Variants in CD96 observed in about 807,000 individuals in gnomAD.
The protein encoded by CD96 is T-cell surface protein tactile.
In CD96, 70 loss-of-function variants were observed where a neutral mutation model predicts 71.3. The ratio of observed to expected loss-of-function variants is 0.98; its 90% confidence interval spans 0.81 to 1.20. CD96 has a LOEUF of 1.20. CD96 is among the 50% of genes most tolerant of loss of function. The probability of loss-of-function intolerance (pLI) is 0.00; values close to 1 mark genes in which losing one functional copy is unlikely to be tolerated. For missense variants in CD96, 742 were observed against 677.5 expected (o/e 1.10, Z -1.06); for synonymous variants, 248 against 233.0 (o/e 1.06, Z -0.59).
At chr3:111,583,652 C>A (rs1228431173) in intron 4 of CD96, among the ~76,000 whole-genome samples, 1 of 152,260 alleles carries the variant, frequency 6.6e-6, no homozygotes, top group Admixed American at 6.5e-5. Context: ...AGGCTCAACA[C>A]CATGTGGAAG....
chr3:111,579,290 T>C (rs1936362006), intron 4 of CD96, 56 bp downstream of exon 4: 1 of 964,314 alleles, frequency 1.0e-6, no homozygotes, highest in African/African-American at 1.6e-5. Context: ...TGCCCTGCTC[T>C]TCCTTGAAGA....
chr3:111,649,827 T>C lies in CD96; in HGVS notation c.*21T>C, dbSNP rs985341307. On this transcript the variant is annotated 3_prime_UTR_variant, in exon 14 of 14. Coordinates refer to ENST00000352690, the MANE Select transcript of CD96 (RefSeq NM_005816.5). ...TCTAGTCTCGTGAGACTTTGCCCCA[T>C]GGCAGAACTCTGCTGGAATCCTATT... 1.4e-6 allele frequency: 2 copies of C among 1,409,142 alleles called. No homozygotes were observed. The highest frequency in any genetic ancestry group is 2.3e-5 in the South Asian group (2 of 86,920). 87.3% of individuals were successfully genotyped at this position (1,409,142 alleles called of 1,614,324 possible).
intron 5 of CD96, among the ~76,000 whole-genome samples, chr3:111,591,547 T>C (rs1027319276): frequency 7.2e-5 from 11 of 152,142 alleles, no homozygotes; most frequent in Admixed American, 5.2e-4. Flanking sequence ...TCCAAAAATA[T>C]GTGTTTTGGT....
chr3:111,549,869 G>C (rs915299151), intron 2 of CD96, among the ~76,000 whole-genome samples: 2 of 152,144 alleles, frequency 1.3e-5, no homozygotes, highest in African/African-American at 4.8e-5. Context: ...TACAGAAGAC[G>C]TTAGGTAAAC....
chr3:111,662,745 C>T (rs1940388076), intron 14 of CD96, among the ~76,000 whole-genome samples: 1 of 152,176 alleles, frequency 6.6e-6, no homozygotes, highest in African/African-American at 2.4e-5. Flanking sequence ...CAACCACAGC[C>T]CGGGCTTCAC....
intron 8 of CD96, among the ~76,000 whole-genome samples, chr3:111,607,607 A>T (rs1025918640): frequency 2.0e-5 from 3 of 152,236 alleles, no homozygotes; most frequent in African/African-American, 7.2e-5. Context: ...AAAACTATCA[A>T]TTTTAGCTCA....
At chr3:111,661,977 C>G (rs991450835) in intron 14 of CD96, among the ~76,000 whole-genome samples, 2 of 152,252 alleles carry the variant, frequency 1.3e-5, no homozygotes, top group East Asian at 3.8e-4. Flanking sequence ...TTCCTGAGGG[C>G]TCTGCCCCTG....
intron 5 of CD96, chr3:111,595,202 T>C (rs903901212): frequency 7.2e-5 from 11 of 153,634 alleles, no homozygotes; most frequent in African/African-American, 2.7e-4. Flanking sequence ...CTCTCTCCTT[T>C]CTTGGGTCAT....
chr3:111,614,380 G>T (rs139114382), intron 8 of CD96, among the ~76,000 whole-genome samples: 2 of 152,136 alleles, frequency 1.3e-5, no homozygotes, highest in Non-Finnish European at 2.9e-5. Context: ...TCCTTAATAG[G>T]CTGGATGTAA....
intron 5 of CD96, 40 bp from the exon 6 acceptor site, chr3:111,598,080 T>A: frequency 1.1e-6 from 1 of 887,510 alleles, no homozygotes; most frequent in Non-Finnish European, 1.9e-6. Flanking sequence ...ACCAGTTTCT[T>A]AGGAATTTGC....
chr3:111,590,037 A>C (rs1936906319), intron 5 of CD96, among the ~76,000 whole-genome samples: 1 of 152,192 alleles, frequency 6.6e-6, no homozygotes, highest in African/African-American at 2.4e-5. Flanking sequence ...TTCCCTACCC[A>C]CTATTTATCA....
chr3:111,591,196 A>G (rs976067930), intron 5 of CD96, among the ~76,000 whole-genome samples: 1 of 152,028 alleles, frequency 6.6e-6, no homozygotes, highest in African/African-American at 2.4e-5. Flanking sequence ...AACGTGGTGA[A>G]ACCTTGTCTG....
intron 12 of CD96, among the ~76,000 whole-genome samples, chr3:111,642,478 A>G (rs1188213090): frequency 6.6e-6 from 1 of 152,194 alleles, no homozygotes; most frequent in Non-Finnish European, 1.5e-5. Context: ...ACCAATAAGA[A>G]GCAGCGAGAT....
At chr3:111,657,443 T>A (rs1940258900) in intron 14 of CD96, among the ~76,000 whole-genome samples, 1 of 150,798 alleles carries the variant, frequency 6.6e-6, no homozygotes, top group African/African-American at 2.4e-5. Flanking sequence ...TTCAAGTAGC[T>A]AGGAACACAA....
rs1281589365 is a variant in CD96, at chr3:111,577,530, T to C, written c.544-1497T>C. 2.5e-6 allele frequency: 4 copies of C among 1,606,554 alleles called. No homozygotes were observed. In the Admixed American group the frequency reaches 6.7e-5, roughly 27 times the overall value. On this transcript the variant is annotated intron_variant, in intron 3 of 13. Coordinates refer to ENST00000352690, the MANE Select transcript of CD96 (RefSeq NM_005816.5). Reference sequence around the variant, plus strand: ...AACAGCAGCACGGATTCTTGGGTCCTTCTTTCTAAGGGTATAAAGGTATGT... The same window carrying C: ...AACAGCAGCACGGATTCTTGGGTCCCTCTTTCTAAGGGTATAAAGGTATGT...
At chr3:111,619,982 A>T (rs1024629135) in intron 8 of CD96, among the ~76,000 whole-genome samples, 1 of 152,224 alleles carries the variant, frequency 6.6e-6, no homozygotes, top group Admixed American at 6.5e-5. Context: ...GCACATGGAA[A>T]AAACACCCCT....
intron 5 of CD96, among the ~76,000 whole-genome samples, chr3:111,591,056 G>A (rs1936954982): frequency 6.6e-6 from 1 of 152,062 alleles, no homozygotes; most frequent in Non-Finnish European, 1.5e-5. Flanking sequence ...AGGAAGAGAG[G>A]CTACAATATT....
At chr3:111,572,113 C>A (rs181588715) in intron 3 of CD96, among the ~76,000 whole-genome samples, 3 of 152,322 alleles carry the variant, frequency 2.0e-5, no homozygotes, top group African/African-American at 7.2e-5. Flanking sequence ...GTTAATGAGA[C>A]ATGCCATGTA....
intron 8 of CD96, among the ~76,000 whole-genome samples, chr3:111,618,004 C>T (rs1938329944): frequency 1.3e-5 from 2 of 152,238 alleles, no homozygotes; most frequent in African/African-American, 4.8e-5. Context: ...AAACTGCTTG[C>T]CATACATCTG....
Sources: allele counts gnomAD v4.1 joint callset (sites outside exome capture counted in the v4.1 genomes callset), GRCh38; gene constraint gnomAD v4.1.1; transcripts MANE v1.5; gene names NCBI Gene and HGNC (gene_info 2026-07-23, HGNC 2026-07-21).